MIEF2: variants seen among roughly 807,000 people sequenced by gnomAD.
MIEF2 encodes the protein mitochondrial elongation factor 2, also known as mitochondrial dynamics protein MID49.
A neutral mutation model predicts 7.4 loss-of-function variants in MIEF2; 1 was observed. That is an observed-to-expected ratio of 0.14 (90% CI 0.05 to 0.64). MIEF2 has a LOEUF of 0.64. MIEF2 is among the 30% of genes least tolerant of loss of function. MIEF2 has a pLI of 0.85. For synonymous variants in MIEF2, 275 were observed against 290.5 expected (o/e 0.95, Z 0.54); for missense variants, 569 against 623.9 (o/e 0.91, Z 0.94).
Position 18,261,241 on chromosome 17 carries a change from C to CG in MIEF2, c.-8+505dup, listed in dbSNP as rs986899032. 4 of 1,493,578 alleles carry CG rather than the reference C, an allele frequency of 2.7e-6. No individual in the cohort carries two copies. In the African/African-American group the frequency reaches 5.6e-5, roughly 21 times the overall value. 92.5% of individuals were successfully genotyped at this position (1,493,578 alleles called of 1,614,324 possible). ...GGGGGCGGGTGGCAGTATTGATCCC[C>CG]GAGTCACCGATGAGGAGATTGAAAC... On this transcript the variant is annotated intron_variant, in intron 1 of 3. Coordinates refer to ENST00000323019, the MANE Select transcript of MIEF2 (RefSeq NM_139162.4).
At position 18,264,312 on chromosome 17, in the gene MIEF2, G is replaced by A. The variant is rs748691799; in HGVS notation, c.913G>A (p.Val305Met). The change falls in exon 4 of 4, where the codon GTG (valine) becomes ATG (methionine). Residue 305 changes from valine (V) to methionine (M), a missense_variant. Physicochemically the swap from Val to Met is conservative, Grantham distance 21. Coordinates refer to ENST00000323019, the MANE Select transcript of MIEF2 (RefSeq NM_139162.4). ...ERLELTVAVL[V>M]AVPGVDADDR... ...CCTGGAGCTCACTGTGGCTGTGCTT[G>A]TGGCAGTCCCTGGGGTCGATGCTGA... The A allele has an allele frequency of 6.2e-7, 1 of 1,607,574 alleles. No homozygotes were observed. Among genetic ancestry groups the A allele is most frequent in the South Asian group, 1.1e-5 (1 of 91,088 alleles).
rs1978690652 is a variant in MIEF2, at chr17:18,265,343, C to CGG, written c.*581_*582dup. Reference sequence around the variant, plus strand: ...CTGTGCGTTTAGTTTTCTTGCTGAGCGGGAGCTCAGTATGACTTGCCACCC... The same window carrying CGG: ...CTGTGCGTTTAGTTTTCTTGCTGAGCGGGGGAGCTCAGTATGACTTGCCACCC... On this transcript the variant is annotated 3_prime_UTR_variant, in exon 4 of 4. Coordinates refer to ENST00000323019, the MANE Select transcript of MIEF2 (RefSeq NM_139162.4). 2.0e-5 allele frequency: 3 copies of CGG among 152,744 alleles called. No homozygotes were observed. The highest frequency in any genetic ancestry group is 4.4e-5 in the Non-Finnish European group (3 of 68,468). The allele number at this position is 152,744 out of a possible 1,614,324, so 9.5% of individuals were successfully genotyped here.
At chr17:18,261,204 C>T (rs1395964970) in intron 1 of MIEF2, 1 of 1,548,764 alleles carries the variant, frequency 6.5e-7, no homozygotes. Context: ...AAAGTAGATT[C>T]CTGGTCTCTC....
rs190023411 is a variant in MIEF2, at chr17:18,264,154, G to T, written c.755G>T (p.Arg252Leu). ...CTGGTCGGGGGCTACCTCTCCTCCC[G>T]CGTCCTGCTGGAGCTACTCCGCAAG... ...RFLVGGYLSS[R>L]VLLELLRKAL... Residue 252 changes from arginine (R) to leucine (L), a missense_variant, in exon 4 of 4, where the codon CGC becomes CTC. Coordinates refer to ENST00000323019, the MANE Select transcript of MIEF2 (RefSeq NM_139162.4). 58 of 1,572,804 alleles carry T rather than the reference G, an allele frequency of 3.7e-5. No homozygotes were observed. Among genetic ancestry groups the T allele is most frequent in the African/African-American group, 3.2e-4 (24 of 74,348 alleles).
chr17:18,264,795 C>A lies in MIEF2; in HGVS notation c.*31C>A. On this transcript the variant is annotated 3_prime_UTR_variant, in exon 4 of 4. Transcript: ENST00000323019. ...TGGAAACGGGTGGTTGCCATGTTTT[C>A]TAATGCTGGGGAGCTGCACCCACCT... 1 of 1,581,126 alleles carries A rather than the reference C, an allele frequency of 6.3e-7. No individual in the cohort carries two copies. The highest frequency in any genetic ancestry group is 1.1e-5 in the South Asian group (1 of 88,230).
At chr17:18,262,902 CT>C (rs1196289134) in intron 2 of MIEF2, 35 bp downstream of exon 2, 1 of 1,528,684 alleles carries the variant, frequency 6.5e-7, no homozygotes, top group Non-Finnish European at 8.8e-7. Context: ...CCTGAAGCTC[CT>C]AGAGGAGGAC....
intron 3 of MIEF2, 192 bp from the exon 4 acceptor site, chr17:18,263,518 T>G (rs1978543851): frequency 1.1e-6 from 1 of 881,950 alleles, no homozygotes; most frequent in Non-Finnish European, 1.7e-6. Flanking sequence ...CGCCAGGGTG[T>G]TGGACTCTGG....
Position 18,263,259 on chromosome 17 carries a change from C to T in MIEF2, c.310+11C>T, listed in dbSNP as rs1273733929. On this transcript the variant is annotated intron_variant, in intron 3 of 3. Coordinates refer to ENST00000323019, the MANE Select transcript of MIEF2 (RefSeq NM_139162.4). Reference sequence around the variant, plus strand: ...CGTCGTCTGCCCCAGGTGAGTGGCACTCCTTCCCCTCTTTTGGTGTCACAT... The same window carrying T: ...CGTCGTCTGCCCCAGGTGAGTGGCATTCCTTCCCCTCTTTTGGTGTCACAT... The T allele has an allele frequency of 5.8e-5, 94 of 1,613,812 alleles. No individual in the cohort carries two copies. The highest frequency in any genetic ancestry group is 7.9e-5 in the Non-Finnish European group (93 of 1,180,026).
intron 2 of MIEF2, 98 bp from the exon 3 acceptor site, chr17:18,262,988 A>G: frequency 1.3e-6 from 2 of 1,552,044 alleles, no homozygotes; most frequent in South Asian, 1.2e-5. Context: ...AGCCCAGGGC[A>G]CCTGCTTCTC....
rs1978509853 is a variant in MIEF2 at position 18,263,139 on chromosome 17, C to G, written c.201C>G (p.Ser67Arg). Residue 67 changes from serine (S) to arginine (R), a missense_variant, in exon 3 of 4, where the codon AGC becomes AGG. Physicochemically the swap from Ser to Arg is moderately radical, Grantham distance 110 (BLOSUM62 -1). Coordinates refer to ENST00000323019, the MANE Select transcript of MIEF2 (RefSeq NM_139162.4). ...PRDEDDTKAD[S>R]WKELSLLKAT... ...ATGAGGATGACACCAAGGCAGACAG[C>G]TGGAAGGAACTGAGCCTGCTCAAGG... The G allele has an allele frequency of 1.2e-6, 2 of 1,613,626 alleles. No individual in the cohort carries two copies. The highest frequency in any genetic ancestry group is 1.7e-6 in the Non-Finnish European group (2 of 1,180,036).
chr17:18,263,354 G>T, intron 3 of MIEF2, 106 bp downstream of exon 3: 1 of 1,442,800 alleles, frequency 6.9e-7, no homozygotes, highest in Non-Finnish European at 9.7e-7. Context: ...CTTCTCTCTC[G>T]GTTGTGGGCT....
Position 18,260,751 on chromosome 17 carries a change from G to A in MIEF2, c.-8+14G>A. ...GCTGCGACGCAGGTACAGCTGGAGCGCGGCGGGGCGGCCCCCAGGGTCACC... is the reference window on the plus strand; with the variant it reads ...GCTGCGACGCAGGTACAGCTGGAGCACGGCGGGGCGGCCCCCAGGGTCACC... On this transcript the variant is annotated intron_variant, in intron 1 of 3. Transcript: ENST00000323019. The A allele has an allele frequency of 4.0e-6, 1 of 247,896 alleles. No homozygotes were observed. The highest frequency in any genetic ancestry group is 7.9e-6 in the Non-Finnish European group (1 of 126,446). The allele number at this position is 247,896 out of a possible 1,614,324, so 15.4% of individuals were successfully genotyped here.
In MIEF2 at chr17:18,264,370, G is replaced by A. The variant is rs12603700; in HGVS notation, c.971G>A (p.Gly324Glu). 0.11 allele frequency: 180,625 copies of A among 1,603,264 alleles called. 11,088 individuals carry two copies. Among genetic ancestry groups the A allele is most frequent in the Admixed American group, 0.18 (10,882 of 60,008 alleles). Residue 324 changes from glycine (G) to glutamate (E), a missense_variant, in exon 4 of 4, where the codon GGG (glycine) becomes GAG (glutamate). Coordinates refer to ENST00000323019, the MANE Select transcript of MIEF2 (RefSeq NM_139162.4). ...CTCCTCTTGGCCTGGCCCCTGGAGG[G>A]GCTGGCGGGGAACCTCTGGCTGCAG... ...DRLLLAWPLE[G>E]LAGNLWLQDL...
chr17:18,264,276 C>A lies in MIEF2; in HGVS notation c.877C>A (p.Gln293Lys). ...MASEELLLEVQHERLELTVAV... is the reference protein window; with the variant it reads ...MASEELLLEVKHERLELTVAV... Reference sequence around the variant, plus strand: ...CTCGGAGGAGCTGCTGCTCGAGGTGCAGCACGAACGCCTGGAGCTCACTGT... The same window carrying A: ...CTCGGAGGAGCTGCTGCTCGAGGTGAAGCACGAACGCCTGGAGCTCACTGT... The change falls in exon 4 of 4, where the codon CAG (glutamine) becomes AAG (lysine). Residue 293 changes from glutamine to lysine, a missense_variant. By Grantham distance (53) the Gln-to-Lys change is moderately conservative. Coordinates refer to ENST00000323019, the MANE Select transcript of MIEF2 (RefSeq NM_139162.4). 1 of 1,606,434 alleles carries A rather than the reference C, an allele frequency of 6.2e-7. No individual in the cohort carries two copies.
At chr17:18,262,195 CTG>C (rs936470267) in intron 1 of MIEF2, among the ~76,000 whole-genome samples, 1 of 152,220 alleles carries the variant, frequency 6.6e-6, no homozygotes, top group African/African-American at 2.4e-5. Context: ...CCGTCAGACT[CTG>C]TGGGCGGATG....
In MIEF2 at chr17:18,264,133, T is replaced by A; in HGVS notation, c.734T>A (p.Val245Asp). 6.4e-7 allele frequency: 1 copy of A among 1,558,282 alleles called. No homozygotes were observed. The change falls in exon 4 of 4, where the codon GTC becomes GAC. Residue 245 changes from valine to aspartate, a missense_variant. Coordinates refer to ENST00000323019, the MANE Select transcript of MIEF2 (RefSeq NM_139162.4). ...AGCAGCCCCTGGGACCGCTTCCTGG[T>A]CGGGGGCTACCTCTCCTCCCGCGTC... ...RGSSPWDRFL[V>D]GGYLSSRVLL...
intron 1 of MIEF2, chr17:18,261,241 C>T (rs1978398529): frequency 2.7e-6 from 4 of 1,493,460 alleles, no homozygotes; most frequent in South Asian, 1.2e-5. Flanking sequence ...TATTGATCCC[C>T]GAGTCACCGA....
Position 18,262,819 on chromosome 17 carries a change from C to T in MIEF2, c.99C>T (p.Gly33=), listed in dbSNP as rs755407231. 4.0e-5 allele frequency: 62 copies of T among 1,567,934 alleles called. No homozygotes were observed. Among genetic ancestry groups the T allele is most frequent in the East Asian group, 9.0e-5 (4 of 44,340 alleles). ...TGGCCAATGCCCGCCTGGTGCTGGGCGTGGGCGGGGCTGCTGTGCTGGGCA... is the reference window on the plus strand; with the variant it reads ...TGGCCAATGCCCGCCTGGTGCTGGGTGTGGGCGGGGCTGCTGTGCTGGGCA... ...FLLANARLVL[G]VGGAAVLGIA... is the part of the protein sequence containing the mutation. The change falls in exon 2 of 4, where the codon GGC becomes GGT. Residue 33 remains glycine (G), a synonymous_variant. Coordinates refer to ENST00000323019, the MANE Select transcript of MIEF2 (RefSeq NM_139162.4).
chr17:18,263,482 C>T (rs1371193484), intron 3 of MIEF2: 16 of 832,068 alleles, frequency 1.9e-5, no homozygotes, highest in Non-Finnish European at 2.8e-5. Context: ...CGTGACATAC[C>T]TACCTACTCT....
Sources: gnomAD v4.1 joint callset for allele counts (sites outside exome capture counted in the v4.1 genomes callset) on GRCh38, gnomAD v4.1.1 for gene constraint, MANE v1.5 for transcripts, NCBI Gene and HGNC (gene_info 2026-07-23, HGNC 2026-07-21) for gene names.